Variants in PCNX3 observed in about 807,000 individuals in gnomAD.
PCNX3 encodes pecanex 3.
A neutral mutation model predicts 207.2 loss-of-function variants in PCNX3; 58 were observed. The observed-to-expected ratio is 0.28, with a 90% confidence interval of 0.23 to 0.35. The LOEUF (loss-of-function observed/expected upper bound fraction) is 0.35, where lower values mean the gene tolerates loss of function less well. PCNX3 is among the 10% of genes least tolerant of loss of function. The pLI is 1.00. For missense variants in PCNX3, 2,410 were observed against 2,774.4 expected, an observed-to-expected ratio of 0.87 and a Z score of 2.95; for synonymous variants, 1,337 against 1,183.5, an observed-to-expected ratio of 1.13 and a Z score of -2.66.
Position 65,619,947 on chromosome 11 carries a change from A to G in PCNX3, c.2008+15A>G. On this transcript the variant is annotated intron_variant, in intron 8 of 34. Transcript: ENST00000355703. ...CGATGAGAGCGGTGAGCCTTTCCCA[A>G]GCCCGGTGGCCCAGTGCCTCCCCGC... The G allele has an allele frequency of 6.3e-7, 1 of 1,588,256 alleles. No homozygotes were observed. Among genetic ancestry groups the G allele is most frequent in the Non-Finnish European group, 8.6e-7 (1 of 1,163,614 alleles).
At position 65,625,613 on chromosome 11, in the gene PCNX3, T is replaced by C. The variant is rs773601784; in HGVS notation, c.3136-39T>C. 1 of 1,598,968 alleles carries C rather than the reference T, an allele frequency of 6.3e-7. No homozygotes were observed. The highest frequency in any genetic ancestry group is 8.5e-7 in the Non-Finnish European group (1 of 1,170,798). On this transcript the variant is annotated intron_variant, in intron 18 of 34. Transcript: ENST00000355703. The surrounding 1 kb of genome is among the most constrained non-coding windows in gnomAD (Gnocchi z 5.6). ...GGGCTGCTGGGCAGCTGAGTGTCTC[T>C]CCTGGCCGGGCAGCTGAATGTCTCT... is the stretch of plus-strand genomic sequence containing the variant.
intron 9 of PCNX3, 126 bp from the exon 10 acceptor site, chr11:65,620,705 T>C: frequency 7.6e-7 from 1 of 1,315,220 alleles, no homozygotes. Flanking sequence ...CCCCAGCACT[T>C]GTCCCTTGAG....
chr11:65,616,181 C>T lies in PCNX3; in HGVS notation c.-131C>T, dbSNP rs1045864706. On this transcript the variant is annotated 5_prime_UTR_variant, in exon 1 of 35. Coordinates refer to ENST00000355703, the MANE Select transcript of PCNX3 (RefSeq NM_032223.4). The stretch of plus-strand genomic sequence containing the variant: ...CCCTCGCGCGGCCGAGCCCCCCTCC[C>T]CCGCTGGGGGAGGCCATGGCGTGAG... The T allele has an allele frequency of 4.4e-6, 3 of 675,592 alleles. No individual in the cohort carries two copies. In the African/African-American group the frequency reaches 5.7e-5, roughly 13 times the overall value. The allele number at this position is 675,592 out of a possible 1,614,324, so 41.8% of individuals were successfully genotyped here.
chr11:65,617,760 T>C (rs1238946120), intron 5 of PCNX3, 54 bp downstream of exon 5: 1 of 1,537,532 alleles, frequency 6.5e-7, no homozygotes, highest in African/African-American at 1.4e-5. Flanking sequence ...TGTTTCGTTG[T>C]TGAATCCCCT....
Position 65,635,516 on chromosome 11 carries a change from G to C in PCNX3, c.5185-13G>C. 1.2e-6 allele frequency: 2 copies of C among 1,609,052 alleles called. No individual in the cohort carries two copies. Among genetic ancestry groups the C allele is most frequent in the Non-Finnish European group, 1.7e-6 (2 of 1,178,742 alleles). ...CTTGGGCCGGCCCCCTGACCCTGGC[G>C]TGTGGCTCTCAGGTGAACCGGGAGT... is the stretch of plus-strand genomic sequence containing the variant. On this transcript the variant is annotated splice_polypyrimidine_tract_variant and intron_variant, in intron 31 of 34. Transcript: ENST00000355703. This position sits in a 1 kb window ranked among gnomAD's most constrained non-coding sequence, Gnocchi z 9.9.
rs1475892554 is a variant in PCNX3, at chr11:65,619,744, C to T, written c.1830-10C>T. ...CTAGCTGGCGCTGACCTGGGGCTGA[C>T]CCTCTCCAGCAGCCTGCAGGAAGCT... On this transcript the variant is annotated splice_polypyrimidine_tract_variant and intron_variant, in intron 7 of 34. Coordinates refer to ENST00000355703, the MANE Select transcript of PCNX3 (RefSeq NM_032223.4). 1.0e-5 allele frequency: 16 copies of T among 1,563,338 alleles called. No individual in the cohort carries two copies. The highest frequency in any genetic ancestry group is 1.3e-5 in the Non-Finnish European group (15 of 1,161,376).
rs1854717149 is a variant in PCNX3 at position 65,616,194 on chromosome 11, G to A, written c.-118G>A. On this transcript the variant is annotated 5_prime_UTR_variant, in exon 1 of 35. Coordinates refer to ENST00000355703, the MANE Select transcript of PCNX3 (RefSeq NM_032223.4). ...GAGCCCCCCTCCCCCGCTGGGGGAG[G>A]CCATGGCGTGAGCGTGAGGCCGGGC... 6.2e-6 allele frequency: 5 copies of A among 801,180 alleles called. No individual in the cohort carries two copies. The highest frequency in any genetic ancestry group is 2.4e-5 in the South Asian group (1 of 41,554). The allele number at this position is 801,180 out of a possible 1,614,324, so 49.6% of individuals were successfully genotyped here.
Position 65,618,079 on chromosome 11 carries a change from C to G in PCNX3, c.717C>G (p.Pro239=). 1.9e-6 allele frequency: 3 copies of G among 1,608,472 alleles called. No homozygotes were observed. Among genetic ancestry groups the G allele is most frequent in the Non-Finnish European group, 2.5e-6 (3 of 1,177,964 alleles). ...GCATGGCTGACACTCCCATGAGCCC[C>G]CTGCTGAAGGGGAGCCTCAGCCAGG... is the stretch of plus-strand genomic sequence containing the variant. ...GSSMADTPMS[P]LLKGSLSQEL... is the part of the protein sequence containing the mutation. Residue 239 remains proline (P), a synonymous_variant, in exon 6 of 35, where the codon CCC becomes CCG. Coordinates refer to ENST00000355703, the MANE Select transcript of PCNX3 (RefSeq NM_032223.4).
At position 65,618,588 on chromosome 11, in the gene PCNX3, G is replaced by A. The variant is rs1338299062; in HGVS notation, c.1226G>A (p.Arg409Gln). Residue 409 changes from arginine (R) to glutamine (Q), a missense_variant, in exon 6 of 35, where the codon CGA becomes CAA. Around this residue, in one of 8 missense-constraint regions of PCNX3, gnomAD observed 1,104 missense variants for 970.3 expected, o/e 1.14. Coordinates refer to ENST00000355703, the MANE Select transcript of PCNX3 (RefSeq NM_032223.4). ...RRHSPPGRAPRRPLLEGGGFF... is the reference protein window; with the variant it reads ...RRHSPPGRAPQRPLLEGGGFF... ...CACTCTCCACCTGGCCGTGCCCCTC[G>A]ACGGCCCCTGCTTGAAGGTGGGGGC... is the stretch of plus-strand genomic sequence containing the variant. The A allele has an allele frequency of 1.9e-6, 3 of 1,611,832 alleles. No homozygotes were observed. The highest frequency in any genetic ancestry group is 1.7e-6 in the Non-Finnish European group (2 of 1,179,770).
chr11:65,625,298 C>T lies in PCNX3; in HGVS notation c.3029+18C>T, dbSNP rs201896344. On this transcript the variant is annotated intron_variant, in intron 17 of 34. Transcript: ENST00000355703. This position sits in a 1 kb window ranked among gnomAD's most constrained non-coding sequence, Gnocchi z 5.6. Reference sequence around the variant, plus strand: ...GTGCTCTGGTGGGTGTGCTCCGGGTCGTGTGTTTGTGTCTGCCCAGTAGGG... The same window carrying T: ...GTGCTCTGGTGGGTGTGCTCCGGGTTGTGTGTTTGTGTCTGCCCAGTAGGG... The T allele has an allele frequency of 5.1e-5, 81 of 1,599,550 alleles. No individual in the cohort carries two copies. In the African/African-American group the frequency reaches 8.6e-4, roughly 17 times the overall value.
intron 10 of PCNX3, among the ~76,000 whole-genome samples, chr11:65,621,669 C>T (rs943776077): frequency 7.2e-5 from 11 of 152,328 alleles, no homozygotes; most frequent in Admixed American, 5.2e-4. Context: ...GCCTCTGGCT[C>T]GCCATTTTAT....
At chr11:65,620,511 C>G in intron 9 of PCNX3, 82 bp downstream of exon 9, 1 of 1,464,496 alleles carries the variant, frequency 6.8e-7, no homozygotes, top group Non-Finnish European at 9.3e-7. Context: ...GGAGTTTGCT[C>G]TCTTCCTGCT....
At position 65,618,910 on chromosome 11, in the gene PCNX3, C is replaced by T. The variant is rs376470898; in HGVS notation, c.1548C>T (p.Pro516=). ...GGGCTGGGGGTGATGTTCTGAGGCC[C>T]CCACTGGCTGGCTGCAAGGCAGAGC... The part of the protein sequence containing the change: ...MDGAGGDVLR[P]PLAGCKAELE... The change falls in exon 6 of 35, where the codon CCC becomes CCT. Residue 516 remains proline (P), a synonymous_variant. Coordinates refer to ENST00000355703, the MANE Select transcript of PCNX3 (RefSeq NM_032223.4). 1 of 1,608,966 alleles carries T rather than the reference C, an allele frequency of 6.2e-7. No individual in the cohort carries two copies. Among genetic ancestry groups the T allele is most frequent in the African/African-American group, 1.3e-5 (1 of 74,958 alleles).
rs777725504 is a variant in PCNX3 at position 65,620,842 on chromosome 11, C to T, written c.2111C>T (p.Ser704Leu). The T allele has an allele frequency of 2.5e-6, 4 of 1,595,068 alleles. No homozygotes were observed. The highest frequency in any genetic ancestry group is 2.6e-6 in the Non-Finnish European group (3 of 1,171,888). The change falls in exon 10 of 35, where the codon TCG (serine) becomes TTG (leucine). Residue 704 changes from serine (S) to leucine (L), a missense_variant. Around this residue, in one of 8 missense-constraint regions of PCNX3, gnomAD observed 1,104 missense variants for 970.3 expected, o/e 1.14. Coordinates refer to ENST00000355703, the MANE Select transcript of PCNX3 (RefSeq NM_032223.4). ...TGCTGTTCTCACAGGGACCGACACT[C>T]GCATTCCTCCAGCTTCCACTCGGCT... ...QTANGAWDRH[S>L]HSSSFHSADV...
intron 15 of PCNX3, 97 bp downstream of exon 15, chr11:65,624,678 C>T (rs1855287358): frequency 7.7e-6 from 9 of 1,166,944 alleles, no homozygotes; most frequent in Admixed American, 6.3e-5. Context: ...GGAACCTTCT[C>T]CTGCGTCTGT....
In PCNX3 at chr11:65,637,013, T is replaced by G. The variant is rs766403943; in HGVS notation, c.*35T>G. 6.5e-7 allele frequency: 1 copy of G among 1,541,792 alleles called. No individual in the cohort carries two copies. The highest frequency in any genetic ancestry group is 8.7e-7 in the Non-Finnish European group (1 of 1,146,112). On this transcript the variant is annotated 3_prime_UTR_variant, in exon 35 of 35. Transcript: ENST00000355703. Reference sequence around the variant, plus strand: ...CGCCCACTGGACCACCTCCTAGGATTCAGTAACGGACCTGCTCTGCTGCCT... The same window carrying G: ...CGCCCACTGGACCACCTCCTAGGATGCAGTAACGGACCTGCTCTGCTGCCT...
chr11:65,617,521 C>T lies in PCNX3; in HGVS notation c.481+12C>T. On this transcript the variant is annotated intron_variant, in intron 4 of 34. Coordinates refer to ENST00000355703, the MANE Select transcript of PCNX3 (RefSeq NM_032223.4). ...TGGGCCCCTTAGAGGTAGGTGGCTG[C>T]TCTTCAGGGTTGGAGCATAGTGCTG... is the stretch of plus-strand genomic sequence containing the variant. 4 of 1,613,910 alleles carry T rather than the reference C, an allele frequency of 2.5e-6. No homozygotes were observed. Among genetic ancestry groups the T allele is most frequent in the Middle Eastern group, 3.3e-4 (2 of 6,062 alleles).
At chr11:65,632,539 A>C (rs920614312) in intron 27 of PCNX3, among the ~76,000 whole-genome samples, 1 of 138,278 alleles carries the variant, frequency 7.2e-6, no homozygotes, top group Non-Finnish European at 1.5e-5. Flanking sequence ...GAGTCTGGGC[A>C]GTGCTTCCCG....
intron 11 of PCNX3, among the ~76,000 whole-genome samples, 167 bp downstream of exon 11, chr11:65,622,533 TG>T (rs1855162736): frequency 6.6e-6 from 1 of 152,180 alleles, no homozygotes; most frequent in African/African-American, 2.4e-5. Flanking sequence ...ATGGTTCATT[TG>T]TGGTGTAAAG....
Sources: gnomAD v4.1 joint callset for allele counts (sites outside exome capture counted in the v4.1 genomes callset) on GRCh38, gnomAD v4.1.1 for gene constraint, gnomAD v4.1.1 regional missense constraint, Gnocchi (gnomAD v3.1) non-coding constraint, MANE v1.5 for transcripts, NCBI Gene and HGNC (gene_info 2026-07-23, HGNC 2026-07-21) for gene names.